The following GRIP2 variants were observed in gnomAD, a reference collection of about 807,000 sequenced individuals.
The protein encoded by GRIP2 is glutamate receptor-interacting protein 2.
GRIP2 carries 58 observed loss-of-function variants against 108.3 expected under a neutral mutation model. That is an observed-to-expected ratio of 0.54 (90% CI 0.43 to 0.67). The LOEUF (loss-of-function observed/expected upper bound fraction) is 0.67. Ranked by LOEUF, GRIP2 falls within the 30% of genes least tolerant of loss-of-function variation. The pLI, the probability that GRIP2 is intolerant of heterozygous loss-of-function variation, is 0.00. For synonymous variants in GRIP2, 586 were observed against 598.2 expected (o/e 0.98, Z 0.30); for missense variants, 1,278 against 1,430.6 (o/e 0.89, Z 1.72).
rs780468622 is a variant in GRIP2, at chr3:14,517,099, C to A, written c.1271G>T (p.Arg424Leu). ...GTGTTCCCTTCTTCGCTGCCTCCTC[C>A]GCCCCATTGTAGTTCGAGGACTCAT... ...QPMSPRTTMGRRRQRRREHKS... is the reference protein window; with the variant it reads ...QPMSPRTTMGLRRQRRREHKS... The change falls in exon 11 of 24, where the codon CGG becomes CTG. Residue 424 changes from arginine (R) to leucine (L), a missense_variant. Arg to Leu is a moderately radical substitution (Grantham distance 102). Coordinates refer to ENST00000621039, the MANE Select transcript of GRIP2 (RefSeq NM_001080423.4). 2.5e-6 allele frequency: 4 copies of A among 1,605,084 alleles called. No individual in the cohort carries two copies. The highest frequency in any genetic ancestry group is 2.6e-6 in the Non-Finnish European group (3 of 1,176,216).
chr3:14,495,353 G>A (rs998870499), intron 22 of GRIP2, among the ~76,000 whole-genome samples: 1 of 152,084 alleles, frequency 6.6e-6, no homozygotes, highest in Non-Finnish European at 1.5e-5. Context: ...AGCTTCTGAG[G>A]GCCATTGGCT....
chr3:14,520,648 C>T (rs1694382988), intron 7 of GRIP2, 111 bp from the exon 8 acceptor site: 1 of 1,024,740 alleles, frequency 9.8e-7, no homozygotes, highest in African/African-American at 1.6e-5. Flanking sequence ...ACTGTTATAC[C>T]CATTTGATTA....
chr3:14,587,968 G>A, the GRIP2 span, among the ~76,000 whole-genome samples: 1 of 152,236 alleles, frequency 6.6e-6, no homozygotes, highest in Non-Finnish European at 1.5e-5. Flanking sequence ...AAGTAGCCAT[G>A]TATTACTATA....
rs565224297 is a variant in GRIP2, at chr3:14,493,723, G to C, written c.3074C>G (p.Thr1025Arg). ...LELIISRKPH[T>R]AHSSRAPRSP... ...TCGGGGGGCCCGGCTGCTGTGTGCC[G>C]TGTGCGGCTTGCGGCTGATGATCAG... The change falls in exon 24 of 24, where the codon ACG becomes AGG. Residue 1025 changes from threonine to arginine, a missense_variant. Thr to Arg is a moderately conservative substitution (Grantham distance 71). Transcript: ENST00000621039. 1.9e-6 allele frequency: 3 copies of C among 1,610,802 alleles called. No homozygotes were observed.
In GRIP2 at chr3:14,513,726, C is replaced by G. The variant is rs1333982300; in HGVS notation, c.1578G>C (p.Gln526His). 5 of 1,610,860 alleles carry G rather than the reference C, an allele frequency of 3.1e-6. No individual in the cohort carries two copies. Among genetic ancestry groups the G allele is most frequent in the South Asian group, 1.1e-5 (1 of 90,172 alleles). Residue 526 changes from glutamine (Q) to histidine (H), a missense_variant, in exon 13 of 24, where the codon CAG becomes CAC. Transcript: ENST00000621039. The part of the protein sequence containing the change: ...TEDGTMEEAN[Q>H]LLRDAALAHK... ...GGGCCAGTGCGGCGTCCCGCAGGAG[C>G]TGGTTGGCTTCCTCCATAGTCCCGT...
At chr3:14,534,372 C>T (rs1043638919) in intron 1 of GRIP2, among the ~76,000 whole-genome samples, 24 of 152,154 alleles carry the variant, frequency 1.6e-4, no homozygotes, top group Non-Finnish European at 1.9e-4. Context: ...CCCTAGGCCC[C>T]CTCCTCAGAG....
At chr3:14,496,059 C>T (rs1693591808) in intron 22 of GRIP2, among the ~76,000 whole-genome samples, 2 of 151,976 alleles carry the variant, frequency 1.3e-5, no homozygotes, top group Admixed American at 6.6e-5. Context: ...GTGGGAGAAT[C>T]GCTTGAACCC....
chr3:14,571,136 G>A, the GRIP2 span, among the ~76,000 whole-genome samples: 3 of 152,146 alleles, frequency 2.0e-5, no homozygotes, highest in Non-Finnish European at 4.4e-5. Flanking sequence ...TGTTGAGAAC[G>A]GCTGGTTTGG....
the GRIP2 span, chr3:14,572,979 C>T: frequency 1.4e-6 from 2 of 1,480,292 alleles, no homozygotes; most frequent in Non-Finnish European, 1.9e-6. Flanking sequence ...AGCCAGGAGG[C>T]CCAGGAAGAC....
the GRIP2 span, chr3:14,574,222 T>C: frequency 5.8e-6 from 5 of 868,464 alleles, no homozygotes; most frequent in South Asian, 4.0e-5. Context: ...TGGCTGTCCA[T>C]GTCCTCGATC....
chr3:14,560,239 G>A (rs868125795), upstream of GRIP2, among the ~76,000 whole-genome samples: 1 of 152,110 alleles, frequency 6.6e-6, no homozygotes, highest in African/African-American at 2.4e-5. Context: ...GAGTGACAGA[G>A]GGAGATCCTG....
At chr3:14,541,232 C>T (rs1034527897), upstream of GRIP2, among the ~76,000 whole-genome samples, 2 of 152,234 alleles carry the variant, frequency 1.3e-5, no homozygotes, top group African/African-American at 2.4e-5. Flanking sequence ...CCCTCCATCC[C>T]ACCAGTGTGT....
chr3:14,578,033 G>C, the GRIP2 span, among the ~76,000 whole-genome samples: 3 of 152,236 alleles, frequency 2.0e-5, no homozygotes, highest in Non-Finnish European at 4.4e-5. Flanking sequence ...TCCTTTGCAG[G>C]ACAGACCTAG....
the GRIP2 span, among the ~76,000 whole-genome samples, chr3:14,591,500 A>G: frequency 6.6e-6 from 1 of 152,176 alleles, no homozygotes; most frequent in South Asian, 2.1e-4. Context: ...ACGCTCAGTC[A>G]GGCTTCTGGG....
intron 1 of GRIP2, among the ~76,000 whole-genome samples, chr3:14,554,999 TC>T (rs1309800378): frequency 6.6e-6 from 1 of 151,990 alleles, no homozygotes; most frequent in Non-Finnish European, 1.5e-5. Flanking sequence ...ACCTCCCTCC[TC>T]CCCGTGCTGT....
At chr3:14,499,553 C>CAAA (rs71038412) in intron 21 of GRIP2, among the ~76,000 whole-genome samples, 2 of 146,710 alleles carry the variant, frequency 1.4e-5, no homozygotes, top group Non-Finnish European at 1.5e-5. Flanking sequence ...CTGTCTCTAC[C>CAAA]AAAAAAAAGA....
chr3:14,544,149 G>A (rs1695022646), upstream of GRIP2, among the ~76,000 whole-genome samples: 1 of 152,208 alleles, frequency 6.6e-6, no homozygotes, highest in Non-Finnish European at 1.5e-5. Flanking sequence ...ACATCTGTCT[G>A]AGATTCACTT....
At chr3:14,494,361 G>A (rs1693513756) in intron 23 of GRIP2, among the ~76,000 whole-genome samples, 1 of 152,268 alleles carries the variant, frequency 6.6e-6, no homozygotes, top group South Asian at 2.1e-4. Flanking sequence ...GCCAGGGCAT[G>A]AGAAGGGGCG....
At chr3:14,575,179 G>A in the GRIP2 span, among the ~76,000 whole-genome samples, 2 of 152,112 alleles carry the variant, frequency 1.3e-5, no homozygotes. Context: ...TCTCTACGCG[G>A]CACCTCTATG....
Sources: gnomAD v4.1 joint callset for allele counts (sites outside exome capture counted in the v4.1 genomes callset) on GRCh38, gnomAD v4.1.1 for gene constraint, MANE v1.5 for transcripts, NCBI Gene and HGNC (gene_info 2026-07-23, HGNC 2026-07-21) for gene names.